EYS: variants seen among roughly 807,000 people sequenced by gnomAD.
The protein encoded by EYS is EGF-like photoreceptor maintenance factor, also known as protein eyes shut homolog.
A neutral mutation model predicts 282.1 loss-of-function variants in EYS; 250 were observed. That is an observed-to-expected ratio of 0.89 (90% CI 0.80 to 0.98). EYS has a LOEUF of 0.98. Ranked by LOEUF, EYS falls within the 50% of genes least tolerant of loss-of-function variation. The probability of loss-of-function intolerance (pLI) is 0.00; values close to 1 mark genes in which losing one functional copy is unlikely to be tolerated. For synonymous variants in EYS, 1,355 were observed against 1,282.9 expected (o/e 1.06, Z -1.20); for missense variants, 4,016 against 3,709.0 (o/e 1.08, Z -2.15).
At chr6:65,412,894 G>A (rs1767079009) in intron 5 of EYS, among the ~76,000 whole-genome samples, 1 of 152,076 alleles carries the variant, frequency 6.6e-6, no homozygotes, top group African/African-American at 2.4e-5. Flanking sequence ...AAGAGCTCTT[G>A]CAGTGATCCA....
chr6:64,852,662 T>C (rs1234906005), intron 19 of EYS, among the ~76,000 whole-genome samples: 2 of 152,164 alleles, frequency 1.3e-5, no homozygotes, highest in South Asian at 2.1e-4. Context: ...CATAAGTCCA[T>C]TGACTGATGT....
intron 40 of EYS, among the ~76,000 whole-genome samples, chr6:63,772,973 T>C (rs116115468): frequency 0.012 from 1,835 of 152,258 alleles, 30 homozygotes; most frequent in African/African-American, 0.042. Flanking sequence ...TCTTACATGT[T>C]TCTTTACCCT....
chr6:65,618,871 G>A (rs1328829512), intron 2 of EYS, among the ~76,000 whole-genome samples: 10 of 152,108 alleles, frequency 6.6e-5, no homozygotes, highest in African/African-American at 1.7e-4. Context: ...GTAGATATGC[G>A]GCATTATTTC....
intron 8 of EYS, among the ~76,000 whole-genome samples, chr6:65,362,366 A>G (rs1206152760): frequency 6.6e-6 from 1 of 152,086 alleles, no homozygotes; most frequent in African/African-American, 2.4e-5. Flanking sequence ...ATTCTAGAAC[A>G]TCGTTACTCC....
chr6:63,997,236 A>G (rs904977271), intron 34 of EYS, among the ~76,000 whole-genome samples: 1 of 152,202 alleles, frequency 6.6e-6, no homozygotes. Context: ...GCAGTAGAAA[A>G]GCCACTTAGG....
At chr6:64,305,963 C>T (rs1032671261) in intron 30 of EYS, among the ~76,000 whole-genome samples, 4 of 152,062 alleles carry the variant, frequency 2.6e-5, no homozygotes, top group African/African-American at 9.7e-5. Flanking sequence ...GAAGAAAAGA[C>T]TTGCAAATCA....
At chr6:63,736,588 A>G (rs1158408726) in intron 41 of EYS, among the ~76,000 whole-genome samples, 2 of 152,128 alleles carry the variant, frequency 1.3e-5, no homozygotes, top group African/African-American at 2.4e-5. Context: ...TTGGTTCCAT[A>G]TGAACTTTAA....
intron 26 of EYS, among the ~76,000 whole-genome samples, chr6:64,498,296 T>C (rs762059780): frequency 7.2e-5 from 11 of 152,094 alleles, no homozygotes; most frequent in Non-Finnish European, 1.2e-4. Flanking sequence ...GAAAATCAAA[T>C]AGCTTAGCGA....
chr6:64,525,383 G>A (rs1777882578), intron 26 of EYS, among the ~76,000 whole-genome samples: 1 of 151,846 alleles, frequency 6.6e-6, no homozygotes, highest in African/African-American at 2.4e-5. Flanking sequence ...GAACATGGAT[G>A]GTGCTGGAGG....
chr6:65,165,036 C>A (rs1422302000), intron 12 of EYS, among the ~76,000 whole-genome samples: 1 of 151,270 alleles, frequency 6.6e-6, no homozygotes, highest in African/African-American at 2.4e-5. Flanking sequence ...GAACATATAA[C>A]TTTAGGGGTA....
chr6:63,959,088 G>A (rs1765946071), intron 35 of EYS, among the ~76,000 whole-genome samples: 1 of 152,142 alleles, frequency 6.6e-6, no homozygotes, highest in South Asian at 2.1e-4. Context: ...GCATCGTATA[G>A]AATGGGAGAA....
intron 22 of EYS, among the ~76,000 whole-genome samples, chr6:64,645,430 C>T (rs1484023088): frequency 1.3e-5 from 2 of 152,188 alleles, no homozygotes; most frequent in Non-Finnish European, 2.9e-5. Context: ...GGAAATTCAC[C>T]AGAAGACCAT....
At chr6:64,808,431 A>C (rs1764501253) in intron 22 of EYS, among the ~76,000 whole-genome samples, 1 of 152,128 alleles carries the variant, frequency 6.6e-6, no homozygotes, top group Admixed American at 6.6e-5. Context: ...TCAAATATAT[A>C]ATTTAACTGA....
intron 12 of EYS, among the ~76,000 whole-genome samples, chr6:65,199,056 G>A (rs1765837278): frequency 6.6e-6 from 1 of 152,062 alleles, no homozygotes; most frequent in Admixed American, 6.6e-5. Flanking sequence ...ATACAAATTA[G>A]ACATCCAGTA....
intron 33 of EYS, among the ~76,000 whole-genome samples, chr6:64,029,367 G>A (rs538075226): frequency 4.6e-5 from 7 of 152,280 alleles, no homozygotes. Flanking sequence ...AGTGTCAGAG[G>A]CTATTAAAAT....
intron 26 of EYS, among the ~76,000 whole-genome samples, chr6:64,547,586 G>T (rs1015912475): frequency 6.6e-6 from 1 of 152,164 alleles, no homozygotes; most frequent in African/African-American, 2.4e-5. Flanking sequence ...AGTGCCAATT[G>T]GTGTATTTAC....
intron 35 of EYS, among the ~76,000 whole-genome samples, chr6:63,930,380 A>G (rs1764853028): frequency 7.0e-6 from 1 of 143,730 alleles, no homozygotes; most frequent in African/African-American, 2.6e-5. Context: ...ACTGATAGGT[A>G]ACATCCAAAA....
At position 65,511,364 on chromosome 6, in the gene EYS, T is replaced by TGA. The variant is rs1207797766; in HGVS notation, c.-332-15372_-332-15371insTC. 7.2e-4 allele frequency among the ~76,000 whole-genome samples: 105 copies of TGA among 146,368 alleles called. 1 individual carries two copies. Among genetic ancestry groups the TGA allele is most frequent in the East Asian group, 2.0e-3 (10 of 4,924 alleles). ...TTCTGTGTGTGTGTGTGTGTGTGTG[T>TGA]GTGAGAGAGAGAGAGAGAGAGAAAA... On this transcript the variant is annotated intron_variant, in intron 2 of 42. Coordinates refer to ENST00000503581, the MANE Select transcript of EYS (RefSeq NM_001142800.2).
intron 19 of EYS, among the ~76,000 whole-genome samples, chr6:64,878,798 T>C (rs1355775474): frequency 6.6e-6 from 1 of 151,396 alleles, no homozygotes; most frequent in Non-Finnish European, 1.5e-5. Context: ...AGCCTGAAAA[T>C]AGCATTAATG....
Sources: allele counts gnomAD v4.1 joint callset (sites outside exome capture counted in the v4.1 genomes callset), GRCh38; gene constraint gnomAD v4.1.1; transcripts MANE v1.5; gene names NCBI Gene and HGNC (gene_info 2026-07-23, HGNC 2026-07-21).